The following CHD9 variants were observed in gnomAD, a reference collection of about 807,000 sequenced individuals.
The protein encoded by CHD9 is ATP-dependent chromatin remodeler CHD9.
Under a neutral mutation model 316.1 loss-of-function variants are expected in CHD9, and 77 were observed. That is an observed-to-expected ratio of 0.24 (90% CI 0.20 to 0.29). The LOEUF is 0.29. CHD9 is among the 10% of genes least tolerant of loss of function. The pLI, the probability that CHD9 is intolerant of heterozygous loss-of-function variation, is 1.00. For missense variants in CHD9, 2,763 were observed against 3,438.1 expected, an observed-to-expected ratio of 0.80 and a Z score of 4.91; for synonymous variants, 1,129 against 1,158.3, an observed-to-expected ratio of 0.97 and a Z score of 0.51.
intron 24 of CHD9, 124 bp from the exon 25 acceptor site, chr16:53,285,472 A>G: frequency 3.0e-6 from 1 of 328,728 alleles, no homozygotes; most frequent in South Asian, 7.1e-5. Context: ...ATGAAGGATT[A>G]AAAAATAATG....
chr16:53,214,950 G>A (rs1426726581), intron 3 of CHD9, among the ~76,000 whole-genome samples: 1 of 141,942 alleles, frequency 7.0e-6, no homozygotes, highest in Non-Finnish European at 1.5e-5. Flanking sequence ...GTCTCACTCT[G>A]TCTCCCAGGC....
intron 1 of CHD9, among the ~76,000 whole-genome samples, chr16:53,059,749 A>G (rs1450520353): frequency 6.6e-6 from 1 of 152,190 alleles, no homozygotes; most frequent in African/African-American, 2.4e-5. Flanking sequence ...AAATATTTTG[A>G]GCTTTATGGA....
Position 53,267,341 on chromosome 16 carries a change from T to C in CHD9, c.4368T>C (p.Pro1456=), listed in dbSNP as rs1332039710. The part of the protein sequence containing the change: ...DTPRIRKQTR[P]FSATKDELAE... ...CAAGAATTAGGAAGCAAACAAGACC[T>C]TTTAGTGCCACAAAAGATGAATTGG... is the stretch of plus-strand genomic sequence containing the variant. Residue 1456 remains proline, a synonymous_variant, in exon 21 of 39, where the codon CCT becomes CCC. Transcript: ENST00000447540. 1 of 1,612,418 alleles carries C rather than the reference T, an allele frequency of 6.2e-7. No individual in the cohort carries two copies.
chr16:53,087,391 T>G (rs2152545525), intron 1 of CHD9, among the ~76,000 whole-genome samples: 1 of 152,304 alleles, frequency 6.6e-6, no homozygotes, highest in South Asian at 2.1e-4. Flanking sequence ...TACTGCTGAC[T>G]TGAAGTCTGT....
chr16:53,219,665 A>G (rs74018913), intron 3 of CHD9, among the ~76,000 whole-genome samples: 379 of 152,330 alleles, frequency 2.5e-3, no homozygotes, highest in African/African-American at 8.3e-3. Flanking sequence ...TGGATTTGCC[A>G]TTTTAAAAGT....
chr16:53,071,312 T>C (rs1353390803), intron 1 of CHD9, among the ~76,000 whole-genome samples: 1 of 152,198 alleles, frequency 6.6e-6, no homozygotes, highest in African/African-American at 2.4e-5. Flanking sequence ...GATACTAATA[T>C]GGTAGTCATT....
chr16:53,268,422 G>A (rs546558778), intron 22 of CHD9, among the ~76,000 whole-genome samples: 10 of 152,102 alleles, frequency 6.6e-5, no homozygotes, highest in African/African-American at 1.4e-4. Flanking sequence ...TTAGTATTCC[G>A]TAGTATGGAT....
intron 2 of CHD9, among the ~76,000 whole-genome samples, chr16:53,174,543 T>A (rs2042977672): frequency 6.6e-6 from 1 of 152,234 alleles, no homozygotes; most frequent in East Asian, 1.9e-4. Context: ...TGTAATCATT[T>A]CTGTTTTGTG....
At chr16:53,199,919 G>C (rs1295649381) in intron 2 of CHD9, among the ~76,000 whole-genome samples, 2 of 152,186 alleles carry the variant, frequency 1.3e-5, no homozygotes, top group African/African-American at 4.8e-5. Flanking sequence ...AGTAATCATA[G>C]TGTCAGATTA....
chr16:53,093,980 C>A (rs1455597114), intron 1 of CHD9, among the ~76,000 whole-genome samples: 2 of 152,178 alleles, frequency 1.3e-5, no homozygotes, highest in Non-Finnish European at 2.9e-5. Flanking sequence ...CTGGGCCTAA[C>A]AATGTGTGCC....
chr16:53,082,731 A>C (rs1457116237), intron 1 of CHD9, among the ~76,000 whole-genome samples: 1 of 152,214 alleles, frequency 6.6e-6, no homozygotes, highest in Non-Finnish European at 1.5e-5. Flanking sequence ...TTCGACCTTC[A>C]GATCTTTGCC....
At chr16:53,237,165 A>G (rs1239516896) in intron 11 of CHD9, among the ~76,000 whole-genome samples, 3 of 152,124 alleles carry the variant, frequency 2.0e-5, no homozygotes, top group Non-Finnish European at 4.4e-5. Context: ...ATAACAACAC[A>G]ATTCATTTAG....
chr16:53,184,137 G>A (rs567400901), intron 2 of CHD9, among the ~76,000 whole-genome samples: 2 of 151,924 alleles, frequency 1.3e-5, no homozygotes, highest in South Asian at 4.2e-4. Flanking sequence ...GTAGAGATGG[G>A]GTTTCACCAT....
chr16:53,273,376 T>C (rs2153013177), intron 22 of CHD9, among the ~76,000 whole-genome samples: 1 of 152,264 alleles, frequency 6.6e-6, no homozygotes, highest in Admixed American at 6.5e-5. Flanking sequence ...AAATAATCTG[T>C]TTTGGAACAA....
intron 22 of CHD9, among the ~76,000 whole-genome samples, chr16:53,271,103 A>G (rs927398782): frequency 1.3e-5 from 2 of 151,752 alleles, no homozygotes; most frequent in African/African-American, 4.8e-5. Context: ...AAAGATAATG[A>G]CAGGAGAAAA....
chr16:53,154,701 C>T (rs749521175), intron 1 of CHD9, among the ~76,000 whole-genome samples: 1 of 152,076 alleles, frequency 6.6e-6, no homozygotes, highest in Non-Finnish European at 1.5e-5. Context: ...CTAATACTGC[C>T]GCTGATGTGA....
chr16:53,229,163 C>G (rs1298101410), intron 8 of CHD9, 63 bp downstream of exon 8: 1 of 733,142 alleles, frequency 1.4e-6, no homozygotes, highest in African/African-American at 1.8e-5. Flanking sequence ...CATTATTTAT[C>G]AAAAATTACA....
intron 1 of CHD9, among the ~76,000 whole-genome samples, chr16:53,091,965 C>T (rs2152555920): frequency 6.6e-6 from 1 of 152,298 alleles, no homozygotes; most frequent in Admixed American, 6.5e-5. Flanking sequence ...CTTCACCCAG[C>T]CGAGAGCAGC....
At chr16:53,224,796 T>C (rs532203763) in intron 4 of CHD9, among the ~76,000 whole-genome samples, 4 of 152,354 alleles carry the variant, frequency 2.6e-5, no homozygotes, top group African/African-American at 9.6e-5. Context: ...GTGCCCATAA[T>C]AGAATTCTAA....
Sources: allele counts gnomAD v4.1 joint callset (sites outside exome capture counted in the v4.1 genomes callset), GRCh38; gene constraint gnomAD v4.1.1; transcripts MANE v1.5; gene names NCBI Gene and HGNC (gene_info 2026-07-23, HGNC 2026-07-21).